Variants in CCNY observed in about 807,000 individuals in gnomAD.
CCNY encodes the protein cyclin-Y.
CCNY carries 19 observed loss-of-function variants against 42.8 expected under a neutral mutation model. That is an observed-to-expected ratio of 0.44 (90% CI 0.31 to 0.65). The LOEUF (loss-of-function observed/expected upper bound fraction) is 0.65, where lower values mean the gene tolerates loss of function less well. CCNY is among the 30% of genes least tolerant of loss of function. CCNY has a pLI of 0.07. For missense variants in CCNY, 370 were observed against 437.3 expected (o/e 0.85, Z 1.37); for synonymous variants, 165 against 162.7 (o/e 1.01, Z -0.11).
intron 1 of CCNY, among the ~76,000 whole-genome samples, chr10:35,417,649 C>G (rs1838055252): frequency 6.6e-6 from 1 of 152,022 alleles, no homozygotes; most frequent in Non-Finnish European, 1.5e-5. Context: ...GGGTGTTTGC[C>G]TTTTGTTATT....
chr10:35,542,280 G>A (rs190542154), intron 7 of CCNY, among the ~76,000 whole-genome samples: 1 of 151,478 alleles, frequency 6.6e-6, no homozygotes, highest in East Asian at 1.9e-4. Flanking sequence ...TGATTAGACT[G>A]GGATTGTATG....
intron 1 of CCNY, 112 bp downstream of exon 1, chr10:35,337,319 A>C: frequency 1.7e-6 from 2 of 1,155,696 alleles, no homozygotes; most frequent in Non-Finnish European, 2.3e-6. Context: ...CGACCCGTGC[A>C]TAACCGGGGC....
chr10:35,513,931 T>C (rs887570557), intron 3 of CCNY, among the ~76,000 whole-genome samples: 3 of 152,166 alleles, frequency 2.0e-5, no homozygotes, highest in Non-Finnish European at 4.4e-5. Context: ...CGTGTGCTTA[T>C]GAAAACTATC....
intron 7 of CCNY, among the ~76,000 whole-genome samples, chr10:35,550,886 C>G (rs1841241713): frequency 6.6e-6 from 1 of 152,160 alleles, no homozygotes; most frequent in Non-Finnish European, 1.5e-5. Context: ...CCCCCAGGTC[C>G]CTTGCCCCTG....
At chr10:35,360,274 CTTTCT>C (rs1564381634) in intron 1 of CCNY, among the ~76,000 whole-genome samples, 1 of 136,538 alleles carries the variant, frequency 7.3e-6, no homozygotes, top group Non-Finnish European at 1.5e-5. Context: ...CTTTTTTTTC[CTTTCT>C]TTTCTTTTCT....
chr10:35,410,996 T>A (rs1837891349), intron 1 of CCNY, among the ~76,000 whole-genome samples: 2 of 152,206 alleles, frequency 1.3e-5, no homozygotes, highest in African/African-American at 4.8e-5. Context: ...GGGTGAGGGC[T>A]TTTAACTGAT....
At chr10:35,564,674 T>C (rs913877327) in intron 8 of CCNY, among the ~76,000 whole-genome samples, 2 of 152,150 alleles carry the variant, frequency 1.3e-5, no homozygotes, top group Non-Finnish European at 2.9e-5. Context: ...GGCCCTGGCT[T>C]CACTCACAGG....
intron 3 of CCNY, among the ~76,000 whole-genome samples, chr10:35,326,712 C>A (rs866654274): frequency 1.3e-4 from 20 of 151,916 alleles, no homozygotes; most frequent in Non-Finnish European, 8.8e-5. Context: ...ATAGCAAGAC[C>A]CTGTCTCAAA....
intron 1 of CCNY, among the ~76,000 whole-genome samples, chr10:35,481,404 A>G (rs994960102): frequency 3.3e-5 from 5 of 152,332 alleles, no homozygotes; most frequent in African/African-American, 9.6e-5. Flanking sequence ...CAATTCTCCA[A>G]GAAATGACAG....
At chr10:35,505,865 A>G (rs1224578954) in intron 3 of CCNY, among the ~76,000 whole-genome samples, 1 of 152,212 alleles carries the variant, frequency 6.6e-6, no homozygotes, top group Non-Finnish European at 1.5e-5. Context: ...TATTCTGTTC[A>G]GCTCCCTTTG....
chr10:35,475,373 A>G (rs1190837840), intron 1 of CCNY, among the ~76,000 whole-genome samples: 1 of 152,194 alleles, frequency 6.6e-6, no homozygotes, highest in Non-Finnish European at 1.5e-5. Context: ...AAAAAATGTT[A>G]AGGGCAGCCA....
At chr10:35,261,389 T>C (rs2095719495) in intron 3 of CCNY, among the ~76,000 whole-genome samples, 2 of 151,776 alleles carry the variant, frequency 1.3e-5, no homozygotes, top group African/African-American at 4.8e-5. Flanking sequence ...AGGCGTATGC[T>C]AACACTCTTG....
chr10:35,465,969 G>T (rs1589138448), intron 1 of CCNY, among the ~76,000 whole-genome samples: 1 of 151,096 alleles, frequency 6.6e-6, no homozygotes, highest in Admixed American at 6.6e-5. Context: ...GTCTGTGTGT[G>T]TGTGTGTGTG....
chr10:35,335,552 T>G (rs918999845), upstream of CCNY, among the ~76,000 whole-genome samples: 1 of 151,868 alleles, frequency 6.6e-6, no homozygotes, highest in Non-Finnish European at 1.5e-5. Context: ...CCCAGCTTAT[T>G]TAAATGCTTA....
intron 2 of CCNY, among the ~76,000 whole-genome samples, chr10:35,492,504 GA>G (rs1279917433): frequency 6.6e-6 from 1 of 152,164 alleles, no homozygotes; most frequent in Non-Finnish European, 1.5e-5. Flanking sequence ...TGGTTTATCA[GA>G]AAATCAGTGG....
chr10:35,538,728 C>G (rs1337343466), intron 7 of CCNY, among the ~76,000 whole-genome samples: 1 of 152,168 alleles, frequency 6.6e-6, no homozygotes, highest in Non-Finnish European at 1.5e-5. Context: ...GTATATGATT[C>G]ACACACATTT....
At chr10:35,506,922 G>A (rs1460778383) in intron 3 of CCNY, among the ~76,000 whole-genome samples, 1 of 152,172 alleles carries the variant, frequency 6.6e-6, no homozygotes, top group Non-Finnish European at 1.5e-5. Flanking sequence ...GCTACATGTG[G>A]GGAAGGAGCT....
intron 3 of CCNY, among the ~76,000 whole-genome samples, chr10:35,288,608 A>C (rs1015614065): frequency 6.6e-6 from 1 of 152,102 alleles, no homozygotes; most frequent in African/African-American, 2.4e-5. Flanking sequence ...TACTTTTAGC[A>C]CTTACATTTA....
At chr10:35,373,763 A>G (rs1589071068) in intron 1 of CCNY, among the ~76,000 whole-genome samples, 1 of 150,960 alleles carries the variant, frequency 6.6e-6, no homozygotes, top group Non-Finnish European at 1.5e-5. Context: ...TAGTATATAC[A>G]TATACAAAAT....
Sources: allele counts gnomAD v4.1 joint callset (sites outside exome capture counted in the v4.1 genomes callset), GRCh38; gene constraint gnomAD v4.1.1; transcripts MANE v1.5; gene names NCBI Gene and HGNC (gene_info 2026-07-23, HGNC 2026-07-21).